The following ADCY2 variants were observed in gnomAD, a reference collection of about 807,000 sequenced individuals.
The protein encoded by ADCY2 is adenylate cyclase type 2.
A neutral mutation model predicts 125.2 loss-of-function variants in ADCY2; 31 were observed. That is an observed-to-expected ratio of 0.25 (90% CI 0.19 to 0.33). The LOEUF is 0.33. ADCY2 is among the 10% of genes least tolerant of loss of function. The pLI, the probability that ADCY2 is intolerant of heterozygous loss-of-function variation, is 1.00. For missense variants in ADCY2, 904 were observed against 1,418.2 expected (o/e 0.64, Z 5.82); for synonymous variants, 512 against 548.4 (o/e 0.93, Z 0.93).
chr5:7,789,524 T>C, intron 19 of ADCY2, 118 bp from the exon 20 acceptor site: 1 of 979,778 alleles, frequency 1.0e-6, no homozygotes, highest in East Asian at 2.5e-5. Context: ...GTGGAAGTTC[T>C]GTTTGGGGGT....
chr5:7,582,800 TTTCCTC>T (rs2126614366), intron 3 of ADCY2, among the ~76,000 whole-genome samples: 1 of 152,238 alleles, frequency 6.6e-6, no homozygotes, highest in African/African-American at 2.4e-5. Context: ...ATTAAACACT[TTTCCTC>T]TAAAGTCTGG....
At chr5:7,583,735 C>CT (rs1458821840) in intron 3 of ADCY2, among the ~76,000 whole-genome samples, 1 of 152,062 alleles carries the variant, frequency 6.6e-6, no homozygotes, top group Non-Finnish European at 1.5e-5. Flanking sequence ...GCTCTGTGAC[C>CT]TAGCAATTCA....
chr5:7,470,634 A>G (rs892282560), intron 2 of ADCY2, among the ~76,000 whole-genome samples: 11 of 147,656 alleles, frequency 7.4e-5, no homozygotes, highest in Middle Eastern at 3.6e-3. Context: ...TACTGTATAT[A>G]TGTGTGTGTG....
chr5:7,641,009 A>G (rs934295394), intron 4 of ADCY2, among the ~76,000 whole-genome samples: 6 of 152,230 alleles, frequency 3.9e-5, no homozygotes, highest in African/African-American at 1.4e-4. Flanking sequence ...CTCTTTGAGT[A>G]GAGAGATGAG....
At chr5:7,405,589 A>G (rs1451262347) in intron 1 of ADCY2, among the ~76,000 whole-genome samples, 1 of 152,160 alleles carries the variant, frequency 6.6e-6, no homozygotes, top group Non-Finnish European at 1.5e-5. Context: ...AAAGAGCAAG[A>G]GGAAAGGGAC....
intron 19 of ADCY2, among the ~76,000 whole-genome samples, chr5:7,784,665 T>C (rs1744028899): frequency 6.6e-6 from 1 of 152,154 alleles, no homozygotes. Context: ...AAGGCAAATG[T>C]TATGAATGGC....
At chr5:7,626,355 C>A in intron 4 of ADCY2, 39 bp downstream of exon 4, 1 of 1,597,950 alleles carries the variant, frequency 6.3e-7, no homozygotes, top group South Asian at 1.1e-5. Flanking sequence ...TTATTTTAGT[C>A]ATTATTAAAA....
intron 4 of ADCY2, among the ~76,000 whole-genome samples, chr5:7,688,314 C>A (rs1368588015): frequency 6.6e-6 from 1 of 151,002 alleles, no homozygotes; most frequent in Non-Finnish European, 1.5e-5. Flanking sequence ...GTTGCCCAGG[C>A]TGGAATGCAG....
At position 7,564,662 on chromosome 5, in the gene ADCY2, C is replaced by G. The variant is rs79385724; in HGVS notation, c.570+43763C>G. On this transcript the variant is annotated intron_variant, in intron 3 of 24. Coordinates refer to ENST00000338316, the MANE Select transcript of ADCY2 (RefSeq NM_020546.3). Reference sequence around the variant, plus strand: ...AGTTATTGTTTCTCTAGATTATGAACTAGTTTTTCCTGCACCTGAAATGCT... The same window carrying G: ...AGTTATTGTTTCTCTAGATTATGAAGTAGTTTTTCCTGCACCTGAAATGCT... Among the ~76,000 whole-genome samples the G allele has an allele frequency of 2.2e-3, 339 of 152,268 alleles. 2 individuals carry two copies. Among genetic ancestry groups the G allele is most frequent in the African/African-American group, 8.0e-3 (333 of 41,554 alleles).
Position 7,741,547 on chromosome 5 carries a change from CCCATCACCATCCCTATCACCATCA to C in ADCY2, c.1872-2085_1872-2062del, listed in dbSNP as rs1234621491. The stretch of plus-strand genomic sequence containing the variant: ...CACTACCATCACCACCACCATTATC[CCCATCACCATCCCTATCACCATCA>C]CCATCACCATCCCTATCACCATCAC... On this transcript the variant is annotated intron_variant, in intron 14 of 24. Coordinates refer to ENST00000338316, the MANE Select transcript of ADCY2 (RefSeq NM_020546.3). Among the ~76,000 whole-genome samples the C allele has an allele frequency of 2.9e-3, 161 of 55,040 alleles. 5 individuals carry two copies. The highest frequency in any genetic ancestry group is 9.6e-3 in the African/African-American group (150 of 15,550). The allele number at this position is 55,040 out of a possible 152,430, so 36.1% of individuals were successfully genotyped here. A position where few individuals can be genotyped will look rare whatever the true frequency, so the allele number is the denominator to read the frequency against.
chr5:7,443,639 C>CAAAAA (rs56089574), intron 2 of ADCY2, among the ~76,000 whole-genome samples: 2 of 51,220 alleles, frequency 3.9e-5, no homozygotes, highest in Admixed American at 3.9e-4. Context: ...GACTCTGTCT[C>CAAAAA]AAAAAAAAAA....
At chr5:7,794,545 C>T (rs1392742111) in intron 20 of ADCY2, 1 of 152,038 alleles carries the variant, frequency 6.6e-6, no homozygotes, top group Non-Finnish European at 1.5e-5. Context: ...GCACCAACCC[C>T]CTGCCAAAAG....
chr5:7,483,675 G>A (rs1201413675), intron 2 of ADCY2, among the ~76,000 whole-genome samples: 1 of 152,184 alleles, frequency 6.6e-6, no homozygotes, highest in Non-Finnish European at 1.5e-5. Flanking sequence ...GTGCCATTGA[G>A]TGACATTTTA....
intron 2 of ADCY2, among the ~76,000 whole-genome samples, chr5:7,424,950 C>G (rs555403700): frequency 2.6e-5 from 4 of 152,172 alleles, no homozygotes; most frequent in Non-Finnish European, 4.4e-5. Context: ...GTAGGAAAAC[C>G]TCATCAGGTG....
intron 2 of ADCY2, among the ~76,000 whole-genome samples, chr5:7,501,646 T>TC (rs60705318): frequency 0.056 from 2,252 of 40,190 alleles, 176 homozygotes; most frequent in South Asian, 0.094. Context: ...GATTCCCCCC[T>TC]CCCCCCCCCC....
In ADCY2 at chr5:7,802,797, G is replaced by C. The variant is rs982207716; in HGVS notation, c.2775+433G>C. On this transcript the variant is annotated intron_variant, in intron 21 of 24. Transcript: ENST00000338316. The surrounding 1 kb of genome is among the most constrained non-coding windows in gnomAD (Gnocchi z 4.6). ...TGACATTTTCTTAAAATTATAATCT[G>C]TATGGGGGGATAATACAACATACTT... 1.3e-5 allele frequency among the ~76,000 whole-genome samples: 2 copies of C among 152,176 alleles called. No individual in the cohort carries two copies. The highest frequency in any genetic ancestry group is 2.4e-5 in the African/African-American group (1 of 41,444).
At chr5:7,514,276 G>A (rs1056389135) in intron 2 of ADCY2, among the ~76,000 whole-genome samples, 2 of 151,264 alleles carry the variant, frequency 1.3e-5, no homozygotes, top group Admixed American at 1.3e-4. Flanking sequence ...GTAGAATCAA[G>A]TCAGGACCTA....
intron 14 of ADCY2, among the ~76,000 whole-genome samples, chr5:7,730,178 T>TC (rs1192781088): frequency 1.3e-5 from 2 of 152,228 alleles, no homozygotes; most frequent in Non-Finnish European, 2.9e-5. Flanking sequence ...AATAATGGCT[T>TC]CCAGCTCCAA....
intron 2 of ADCY2, among the ~76,000 whole-genome samples, chr5:7,431,543 C>T (rs1740602633): frequency 6.7e-6 from 1 of 149,904 alleles, no homozygotes; most frequent in African/African-American, 2.5e-5. Context: ...AAAAAAAACC[C>T]TGATAGATAA....
Sources: gnomAD v4.1 joint callset for allele counts (sites outside exome capture counted in the v4.1 genomes callset) on GRCh38, gnomAD v4.1.1 for gene constraint, Gnocchi (gnomAD v3.1) non-coding constraint, MANE v1.5 for transcripts, NCBI Gene and HGNC (gene_info 2026-07-23, HGNC 2026-07-21) for gene names.